Variants in PRKCZ observed in about 807,000 individuals in gnomAD.
PRKCZ encodes the protein protein kinase C zeta type.
In PRKCZ, 33 loss-of-function variants were observed where a neutral mutation model predicts 79.5. The ratio of observed to expected loss-of-function variants is 0.41; its 90% confidence interval spans 0.31 to 0.55. The LOEUF (loss-of-function observed/expected upper bound fraction) is 0.55, where lower values mean the gene tolerates loss of function less well. Ranked by LOEUF, PRKCZ falls within the 20% of genes least tolerant of loss-of-function variation. PRKCZ has a pLI of 0.19. For missense variants in PRKCZ, 578 were observed against 813.5 expected (o/e 0.71, Z 3.52); for synonymous variants, 342 against 320.9 (o/e 1.07, Z -0.70).
intron 4 of PRKCZ, among the ~76,000 whole-genome samples, chr1:2,118,000 T>TTTTTTTTTC (rs1211624575): frequency 7.9e-6 from 1 of 126,392 alleles, no homozygotes; most frequent in African/African-American, 3.0e-5. Context: ...TATTATTTCT[T>TTTTTTTTTC]TTTTTTTTTT....
At chr1:2,097,718 C>T (rs374978108) in intron 4 of PRKCZ, among the ~76,000 whole-genome samples, 3 of 152,222 alleles carry the variant, frequency 2.0e-5, no homozygotes, top group African/African-American at 7.2e-5. Context: ...GCCCAGGCTC[C>T]TGGGGACAGT....
chr1:2,104,449 G>A (rs1179813538), intron 4 of PRKCZ, among the ~76,000 whole-genome samples: 2 of 152,162 alleles, frequency 1.3e-5, no homozygotes, highest in Non-Finnish European at 1.5e-5. Context: ...TCCAGTTCAG[G>A]GGCCAGTACA....
At chr1:2,135,454 T>C (rs1007116868) in intron 5 of PRKCZ, 107 bp downstream of exon 5, 4 of 1,061,986 alleles carry the variant, frequency 3.8e-6, no homozygotes, top group Non-Finnish European at 5.3e-6. Flanking sequence ...TGGGCTCTTT[T>C]TGGCGCCCGA....
At chr1:2,147,381 C>T (rs1678815980) in intron 7 of PRKCZ, among the ~76,000 whole-genome samples, 1 of 151,990 alleles carries the variant, frequency 6.6e-6, no homozygotes, top group Non-Finnish European at 1.5e-5. Context: ...ACCTCTCTAT[C>T]TATCCATCTA....
intron 7 of PRKCZ, among the ~76,000 whole-genome samples, chr1:2,148,388 C>T (rs1679145637): frequency 6.6e-6 from 1 of 151,882 alleles, no homozygotes; most frequent in Admixed American, 6.6e-5. Flanking sequence ...GTCCACTGAC[C>T]TCTCCGTCTA....
chr1:2,049,563 G>A (rs1263641356), upstream of PRKCZ: 1 of 152,444 alleles, frequency 6.6e-6, no homozygotes, highest in Non-Finnish European at 1.5e-5. Flanking sequence ...TCAGGGGAGA[G>A]GGGCCGAGGC....
chr1:2,081,000 C>T (rs1487511612), intron 4 of PRKCZ, among the ~76,000 whole-genome samples: 1 of 152,176 alleles, frequency 6.6e-6, no homozygotes, highest in African/African-American at 2.4e-5. Flanking sequence ...CTCCACGCAG[C>T]CTGTCCGTGC....
At chr1:2,095,729 CCACCT>C (rs1666352455) in intron 4 of PRKCZ, among the ~76,000 whole-genome samples, 1 of 144,166 alleles carries the variant, frequency 6.9e-6, no homozygotes, top group Non-Finnish European at 1.5e-5. Flanking sequence ...TTTTCCCTCC[CCACCT>C]TTCCGCTCCC....
Position 2,055,455 on chromosome 1 carries a change from C to G in PRKCZ, c.86C>G (p.Thr29Ser). ...KAHYGGDIFI[T>S]SVDAATTFEE... The stretch of plus-strand genomic sequence containing the variant: ...CTCTGCCCCAGGGACATCTTCATCA[C>G]CAGCGTGGACGCCGCCACGACCTTC... Residue 29 changes from threonine to serine, a missense_variant, in exon 2 of 18, where the codon ACC (threonine) becomes AGC (serine). This residue lies in a region of PRKCZ where 228 missense variants were observed against 211.6 expected (regional missense o/e 1.08). Transcript: ENST00000378567. The G allele has an allele frequency of 1.2e-6, 2 of 1,613,212 alleles. No individual in the cohort carries two copies. Among genetic ancestry groups the G allele is most frequent in the Non-Finnish European group, 1.7e-6 (2 of 1,179,492 alleles).
chr1:2,049,152 C>G (rs370472559), upstream of PRKCZ: 1 of 151,888 alleles, frequency 6.6e-6, no homozygotes, highest in East Asian at 1.9e-4. Flanking sequence ...GCAGCAAGAG[C>G]GAAACTCCAT....
chr1:2,102,543 G>A (rs11583884), intron 4 of PRKCZ, among the ~76,000 whole-genome samples: 4,175 of 151,920 alleles, frequency 0.027, 61 homozygotes, highest in Middle Eastern at 0.082. Flanking sequence ...TGTGTTAGCC[G>A]GGATGGTCTC....
intron 4 of PRKCZ, among the ~76,000 whole-genome samples, chr1:2,087,234 C>A (rs1261765095): frequency 6.6e-6 from 1 of 152,048 alleles, no homozygotes; most frequent in Non-Finnish European, 1.5e-5. Flanking sequence ...AGGCACCCAC[C>A]ACCACACCCA....
rs550024514 is a variant in PRKCZ, at chr1:2,089,310, A to G, written c.334+29719A>G. Among the ~76,000 whole-genome samples, 18 of 152,198 alleles carry G rather than the reference A, an allele frequency of 1.2e-4. No individual in the cohort carries two copies. The East Asian group carries it at 3.1e-3, about 26-fold the overall frequency. On this transcript the variant is annotated intron_variant, in intron 4 of 17. Coordinates refer to ENST00000378567, the MANE Select transcript of PRKCZ (RefSeq NM_002744.6). Reference sequence around the variant, plus strand: ...TGGGGGTGACGGTGTGAGCATGAGGATACTCAGAGCTGGGAAGACTTGAGG... The same window carrying G: ...TGGGGGTGACGGTGTGAGCATGAGGGTACTCAGAGCTGGGAAGACTTGAGG...
rs1683156952 is a variant in PRKCZ, at chr1:2,165,593, G to A, written c.975-3925G>A. 6.6e-6 allele frequency among the ~76,000 whole-genome samples: 1 copy of A among 152,252 alleles called. No individual in the cohort carries two copies. The highest frequency in any genetic ancestry group is 2.4e-5 in the African/African-American group (1 of 41,462). ...TCAGGCAGTAAATATTTCCACCTTT[G>A]TGGGCCATGCGGCCTCTGTGGCAAC... is the stretch of plus-strand genomic sequence containing the variant. On this transcript the variant is annotated intron_variant, in intron 10 of 17. Transcript: ENST00000378567. This position sits in a 1 kb window ranked among gnomAD's most constrained non-coding sequence, Gnocchi z 4.1.
intron 3 of PRKCZ, among the ~76,000 whole-genome samples, chr1:2,057,871 A>AT (rs879612745): frequency 5.7e-4 from 79 of 139,330 alleles, no homozygotes; most frequent in Middle Eastern, 3.8e-3. Flanking sequence ...CACTTGGCTA[A>AT]TTTTTTTTTT....
Position 2,177,555 on chromosome 1 carries a change from G to A in PRKCZ, c.1575+2242G>A, listed in dbSNP as rs144294764. ...GTGGAGTGACGGGCTCCTTCTCTTCGGAGCACTGTCTAATCTGAGTGTGAG... is the reference window on the plus strand; with the variant it reads ...GTGGAGTGACGGGCTCCTTCTCTTCAGAGCACTGTCTAATCTGAGTGTGAG... On this transcript the variant is annotated intron_variant, in intron 16 of 17. Coordinates refer to ENST00000378567, the MANE Select transcript of PRKCZ (RefSeq NM_002744.6). The surrounding 1 kb of genome is among the most constrained non-coding windows in gnomAD (Gnocchi z 6.4). Among the ~76,000 whole-genome samples, 164 of 152,234 alleles carry A rather than the reference G, an allele frequency of 1.1e-3. 1 individual carries two copies. Among genetic ancestry groups the A allele is most frequent in the African/African-American group, 3.8e-3 (158 of 41,520 alleles).
intron 4 of PRKCZ, among the ~76,000 whole-genome samples, chr1:2,079,902 A>G (rs2803345): frequency 0.5 from 75,324 of 151,978 alleles, 22,999 homozygotes; most frequent in East Asian, 0.95. Context: ...AGGGCCGGGC[A>G]TCTCACCCCT....
At chr1:2,143,164 G>A (rs1325632615) in intron 5 of PRKCZ, 2 of 152,000 alleles carry the variant, frequency 1.3e-5, no homozygotes, top group Admixed American at 6.6e-5. Context: ...GAGTACCTGG[G>A]ACTACAGGTG....
At chr1:2,133,072 T>C (rs1182156513) in intron 4 of PRKCZ, among the ~76,000 whole-genome samples, 7 of 152,200 alleles carry the variant, frequency 4.6e-5, no homozygotes, top group Admixed American at 4.6e-4. Context: ...GGAGGCTCCC[T>C]GATGAGCCCT....
Sources: allele counts gnomAD v4.1 joint callset (sites outside exome capture counted in the v4.1 genomes callset), GRCh38; gene constraint gnomAD v4.1.1; regional missense constraint gnomAD v4.1.1; non-coding constraint Gnocchi (gnomAD v3.1); transcripts MANE v1.5; gene names NCBI Gene and HGNC (gene_info 2026-07-23, HGNC 2026-07-21).